CRYZL1: variants seen among roughly 807,000 people sequenced by gnomAD.
CRYZL1 encodes the protein ferry endosomal RAB5 effector complex subunit 4.
A neutral mutation model predicts 50.6 loss-of-function variants in CRYZL1; 34 were observed. That is an observed-to-expected ratio of 0.67 (90% confidence interval 0.51 to 0.89). The LOEUF is 0.89. Ranked by LOEUF, CRYZL1 falls within the 40% of genes least tolerant of loss-of-function variation. The probability of loss-of-function intolerance (pLI) is 0.00; values close to 1 mark genes in which losing one functional copy is unlikely to be tolerated. For missense variants in CRYZL1, 354 were observed against 402.3 expected (o/e 0.88, Z 1.03); for synonymous variants, 125 against 134.3 (o/e 0.93, Z 0.48).
Position 33,597,318 on chromosome 21 carries a change from C to A in CRYZL1, c.760G>T (p.Val254Phe), listed in dbSNP as rs779510159. Residue 254 changes from valine to phenylalanine, a missense_variant, in exon 10 of 13, where the codon GTT (valine) becomes TTT (phenylalanine). Transcript: ENST00000381554. ...HKHDIITLLG[V>F]GGHWVTTEEN... ...TCTGTTGTTACCCAGTGGCCTCCAACACCAAGAAGTGTGATGATATCATGT... is the reference window on the plus strand; with the variant it reads ...TCTGTTGTTACCCAGTGGCCTCCAAAACCAAGAAGTGTGATGATATCATGT... 2 of 1,613,188 alleles carry A rather than the reference C, an allele frequency of 1.2e-6. No homozygotes were observed. Among genetic ancestry groups the A allele is most frequent in the African/African-American group, 2.7e-5 (2 of 74,870 alleles).
chr21:33,628,560 T>C (rs2087096918), intron 2 of CRYZL1, among the ~76,000 whole-genome samples: 1 of 151,982 alleles, frequency 6.6e-6, no homozygotes, highest in Non-Finnish European at 1.5e-5. Context: ...GGCATTTTAT[T>C]TTTTATAGCT....
At chr21:33,628,311 C>T (rs1039927323) in intron 2 of CRYZL1, among the ~76,000 whole-genome samples, 3 of 152,044 alleles carry the variant, frequency 2.0e-5, no homozygotes, top group African/African-American at 4.8e-5. Flanking sequence ...TTTGTGGTTC[C>T]ATATGATTTT....
chr21:33,597,166 G>C (rs1393918187), intron 10 of CRYZL1, 114 bp downstream of exon 10: 2 of 1,083,856 alleles, frequency 1.8e-6, no homozygotes, highest in South Asian at 1.5e-5. Flanking sequence ...CACCATGCCT[G>C]GCCCAGATTT....
chr21:33,606,351 C>T (rs914557331), intron 6 of CRYZL1, among the ~76,000 whole-genome samples: 4 of 152,196 alleles, frequency 2.6e-5, no homozygotes, highest in African/African-American at 9.7e-5. Flanking sequence ...TGCGGCCAGG[C>T]AAGGTGGCTC....
chr21:33,639,530 G>C (rs1405502435), intron 1 of CRYZL1, among the ~76,000 whole-genome samples: 1 of 152,072 alleles, frequency 6.6e-6, no homozygotes, highest in Non-Finnish European at 1.5e-5. Context: ...AACTAATTGA[G>C]GGATCCTCCC....
chr21:33,628,994 C>T (rs1210124139), intron 2 of CRYZL1, among the ~76,000 whole-genome samples: 1 of 151,522 alleles, frequency 6.6e-6, no homozygotes, highest in Non-Finnish European at 1.5e-5. Context: ...CTTTGGGAGG[C>T]TGAGGTGGGA....
intron 8 of CRYZL1, among the ~76,000 whole-genome samples, chr21:33,600,933 G>GTTGTTT (rs2086747126): frequency 1.7e-5 from 1 of 59,520 alleles, no homozygotes; most frequent in African/African-American, 6.3e-5. Flanking sequence ...GGTCCATAAA[G>GTTGTTT]TTTTTTTTTT....
At chr21:33,616,126 T>C (rs988689462) in intron 5 of CRYZL1, among the ~76,000 whole-genome samples, 1 of 147,352 alleles carries the variant, frequency 6.8e-6, no homozygotes, top group Admixed American at 6.8e-5. Flanking sequence ...CCCCTTCCTG[T>C]GTCCATCTGA....
intron 5 of CRYZL1, among the ~76,000 whole-genome samples, chr21:33,615,939 T>A (rs1363365367): frequency 6.6e-6 from 1 of 152,212 alleles, no homozygotes; most frequent in Admixed American, 6.5e-5. Context: ...ATATATATAT[T>A]TTTTATTATA....
At chr21:33,637,415 AG>A (rs2145966809) in intron 1 of CRYZL1, among the ~76,000 whole-genome samples, 1 of 150,158 alleles carries the variant, frequency 6.7e-6, no homozygotes, top group Admixed American at 6.7e-5. Context: ...ACTGCACTCC[AG>A]CCTGGGCGAC....
intron 6 of CRYZL1, among the ~76,000 whole-genome samples, chr21:33,606,445 G>A (rs931074566): frequency 2.6e-5 from 4 of 151,836 alleles, no homozygotes; most frequent in African/African-American, 9.7e-5. Flanking sequence ...GGCCAACATG[G>A]TGAAACCCCG....
intron 2 of CRYZL1, among the ~76,000 whole-genome samples, chr21:33,625,080 A>G (rs2087045115): frequency 6.6e-6 from 1 of 152,192 alleles, no homozygotes; most frequent in Non-Finnish European, 1.5e-5. Context: ...TTCAACCTAA[A>G]TAATCTCAGA....
chr21:33,593,003 G>A lies in CRYZL1; in HGVS notation c.905-1796C>T, dbSNP rs367823496. ...GGAGGCAGAGGTTGCAGTGAGCTGA[G>A]ATGGCGCCACTTCACTCTAGCCTTG... On this transcript the variant is annotated intron_variant, in intron 11 of 12. Transcript: ENST00000381554. Among the ~76,000 whole-genome samples, 12 of 150,504 alleles carry A rather than the reference G, an allele frequency of 8.0e-5. No individual in the cohort carries two copies. In the South Asian group the frequency reaches 1.3e-3, roughly 16 times the overall value.
rs148722889 is a variant in CRYZL1 at position 33,596,143 on chromosome 21, T to C, written c.799-307A>G. On this transcript the variant is annotated intron_variant, in intron 10 of 12. Transcript: ENST00000381554. ...GTGTTGGAAAATCAGTGAAGATTGG[T>C]AGGTGAGAATTACGGTATTTGCATA... 4.6e-4 allele frequency: 258 copies of C among 555,228 alleles called. 3 individuals carry two copies. In the East Asian group the frequency reaches 0.011, roughly 24 times the overall value. 34.4% of individuals were successfully genotyped at this position (555,228 alleles called of 1,614,324 possible). A position where few individuals can be genotyped will look rare whatever the true frequency, so the allele number is the denominator to read the frequency against.
chr21:33,592,929 A>G (rs1178415108), intron 11 of CRYZL1, among the ~76,000 whole-genome samples: 2 of 151,800 alleles, frequency 1.3e-5, no homozygotes, highest in African/African-American at 4.8e-5. Context: ...GCATGCGCCT[A>G]TAGTCTCAGC....
At chr21:33,615,990 T>A (rs2086925961) in intron 5 of CRYZL1, among the ~76,000 whole-genome samples, 2 of 152,200 alleles carry the variant, frequency 1.3e-5, no homozygotes. Flanking sequence ...TGCAGGTTAG[T>A]TACATATGTA....
At chr21:33,637,804 T>C (rs925915316) in intron 1 of CRYZL1, among the ~76,000 whole-genome samples, 10 of 143,318 alleles carry the variant, frequency 7.0e-5, no homozygotes, top group African/African-American at 2.3e-4. Flanking sequence ...CACACACACA[T>C]ATAAACAGCT....
At chr21:33,619,559 T>C (rs190128308) in intron 4 of CRYZL1, among the ~76,000 whole-genome samples, 53 of 151,976 alleles carry the variant, frequency 3.5e-4, no homozygotes, top group Admixed American at 1.0e-3. Context: ...ATAATTTTTT[T>C]TTCTTTTTCT....
rs1233206689 is a variant in CRYZL1, at chr21:33,601,949, C to T, written c.577+285G>A. Among the ~76,000 whole-genome samples the T allele has an allele frequency of 2.7e-5, 4 of 147,902 alleles. No individual in the cohort carries two copies. In the South Asian group the frequency reaches 6.3e-4, roughly 23 times the overall value. ...AAAAAAAAAGCAAATTGGGAGATAG[C>T]ACATACACTGCATTTTGAAACTGAC... On this transcript the variant is annotated intron_variant, in intron 8 of 12. Coordinates refer to ENST00000381554, the MANE Select transcript of CRYZL1 (RefSeq NM_145858.3).
Sources: gnomAD v4.1 joint callset for allele counts (sites outside exome capture counted in the v4.1 genomes callset) on GRCh38, gnomAD v4.1.1 for gene constraint, MANE v1.5 for transcripts, NCBI Gene and HGNC (gene_info 2026-07-23, HGNC 2026-07-21) for gene names.